The following R3HDM2 variants were observed in gnomAD, a reference collection of about 807,000 sequenced individuals.
R3HDM2 encodes the protein R3H domain-containing protein 2.
R3HDM2 carries 38 observed loss-of-function variants against 124.5 expected under a neutral mutation model. The observed-to-expected ratio is 0.31, with a 90% CI of 0.24 to 0.40. The LOEUF is 0.40. Among genes scored for constraint, R3HDM2 ranks in the 10% least tolerant of loss-of-function variants. R3HDM2 has a pLI of 1.00. For missense variants in R3HDM2, 869 were observed against 1,236.9 expected, an observed-to-expected ratio of 0.70 and a Z score of 4.46; for synonymous variants, 391 against 448.0, an observed-to-expected ratio of 0.87 and a Z score of 1.61.
At chr12:57,329,567 A>G (rs1476769768) in intron 2 of R3HDM2, among the ~76,000 whole-genome samples, 3 of 152,204 alleles carry the variant, frequency 2.0e-5, no homozygotes, top group Non-Finnish European at 4.4e-5. Flanking sequence ...GGAGAGAAAA[A>G]TAATTGAGAC....
chr12:57,405,532 G>A (rs939936423), intron 1 of R3HDM2, among the ~76,000 whole-genome samples: 1 of 152,078 alleles, frequency 6.6e-6, no homozygotes, highest in African/African-American at 2.4e-5. Flanking sequence ...TACTGGGGAG[G>A]CTGAGGTGGG....
intron 2 of R3HDM2, among the ~76,000 whole-genome samples, chr12:57,314,292 C>T (rs1345736108): frequency 6.6e-6 from 1 of 151,980 alleles, no homozygotes; most frequent in Non-Finnish European, 1.5e-5. Context: ...CCAGCCTGAC[C>T]AACATGGAGA....
At chr12:57,420,064 C>T (rs537429063) in intron 1 of R3HDM2, among the ~76,000 whole-genome samples, 2 of 152,240 alleles carry the variant, frequency 1.3e-5, no homozygotes, top group African/African-American at 4.8e-5. Context: ...TTTCTCCCCA[C>T]CCCTTTCCTG....
chr12:57,331,528 T>C (rs2058191999), intron 2 of R3HDM2, among the ~76,000 whole-genome samples: 1 of 152,166 alleles, frequency 6.6e-6, no homozygotes, highest in Non-Finnish European at 1.5e-5. Flanking sequence ...GCTCGCTGCT[T>C]ATAAACAGGG....
chr12:57,413,846 CCT>C lies in R3HDM2; in HGVS notation c.-106+16872_-106+16873del, dbSNP rs1491451661. On this transcript the variant is annotated intron_variant, in intron 1 of 23. Coordinates refer to ENST00000402412, the MANE Select transcript of R3HDM2 (RefSeq NM_001394031.1). ...AGAGTCTTAGATCTGTAATCCCCCC[CCT>C]TTTTTTTTTTTTTTTTGAGATGGAG... 3.1e-3 allele frequency among the ~76,000 whole-genome samples: 323 copies of C among 103,152 alleles called. 7 individuals are homozygous for C. The East Asian group carries it at 0.069, about 22-fold the overall frequency. The allele number at this position is 103,152 out of a possible 152,430, so 67.7% of individuals were successfully genotyped here.
chr12:57,266,154 G>A (rs1398998826), intron 19 of R3HDM2, among the ~76,000 whole-genome samples: 1 of 147,088 alleles, frequency 6.8e-6, no homozygotes, highest in African/African-American at 2.5e-5. Context: ...TGCCCAGGCT[G>A]GAGTGCAGTG....
At chr12:57,376,515 G>C (rs1386220341) in intron 2 of R3HDM2, among the ~76,000 whole-genome samples, 1 of 152,206 alleles carries the variant, frequency 6.6e-6, no homozygotes, top group East Asian at 1.9e-4. Flanking sequence ...GATTTACTGG[G>C]TGAGGTGGCA....
Position 57,296,447 on chromosome 12 carries a change from T to C in R3HDM2, c.665A>G (p.Lys222Arg). 6.4e-7 allele frequency: 1 copy of C among 1,551,066 alleles called. No homozygotes were observed. The highest frequency in any genetic ancestry group is 1.2e-5 in the South Asian group (1 of 84,004). ...GMDHNVDQTG[K>R]AVIINKTSNT... ...ACTAGTTTTGTTGATGATGACAGCT[T>C]TCCCAGTTTGATCAACATTGTGGTC... The change falls in exon 9 of 24, where the codon AAA becomes AGA. Residue 222 changes from lysine to arginine, a missense_variant. Around this residue, in one of 2 missense-constraint regions of R3HDM2, gnomAD observed 267 missense variants for 447.7 expected, o/e 0.60. Transcript: ENST00000402412. This position sits in a 1 kb window ranked among gnomAD's most constrained non-coding sequence, Gnocchi z 4.5.
chr12:57,318,489 T>C (rs1193063693), intron 2 of R3HDM2, among the ~76,000 whole-genome samples: 1 of 151,070 alleles, frequency 6.6e-6, no homozygotes, highest in African/African-American at 2.4e-5. Flanking sequence ...TCTCTACTAA[T>C]AGTACAGAAA....
chr12:57,315,188 C>T (rs2054760638), intron 2 of R3HDM2, among the ~76,000 whole-genome samples: 1 of 152,142 alleles, frequency 6.6e-6, no homozygotes, highest in African/African-American at 2.4e-5. Context: ...CATGCGCTCG[C>T]TTCCATACCT....
chr12:57,298,558 C>A (rs1046931790), intron 6 of R3HDM2, among the ~76,000 whole-genome samples: 8 of 151,970 alleles, frequency 5.3e-5, no homozygotes, highest in Non-Finnish European at 2.9e-5. Flanking sequence ...ATCCTGTTTG[C>A]CTTTTCTTAT....
At chr12:57,316,464 G>A (rs2055040250) in intron 2 of R3HDM2, among the ~76,000 whole-genome samples, 1 of 152,030 alleles carries the variant, frequency 6.6e-6, no homozygotes, top group Non-Finnish European at 1.5e-5. Context: ...TAAGCCTCTG[G>A]AAGAAACAGG....
At chr12:57,268,554 C>T in intron 17 of R3HDM2, 97 bp from the exon 18 acceptor site, 1 of 1,238,730 alleles carries the variant, frequency 8.1e-7, no homozygotes, top group Non-Finnish European at 1.1e-6. Flanking sequence ...ATTACAACTT[C>T]CTTCCCTACC....
chr12:57,265,419 T>C (rs2042078997), intron 19 of R3HDM2, among the ~76,000 whole-genome samples: 1 of 151,994 alleles, frequency 6.6e-6, no homozygotes. Context: ...AGAAAAGAAA[T>C]GCTGTCTATA....
At chr12:57,373,273 G>A (rs1045706481) in intron 2 of R3HDM2, among the ~76,000 whole-genome samples, 1 of 152,118 alleles carries the variant, frequency 6.6e-6, no homozygotes, top group Non-Finnish European at 1.5e-5. Context: ...GGCCAATGCA[G>A]GTGGATCACG....
chr12:57,310,235 T>G (rs1260482577), intron 3 of R3HDM2, 29 bp downstream of exon 3: 3 of 1,445,132 alleles, frequency 2.1e-6, no homozygotes, highest in Non-Finnish European at 2.8e-6. Context: ...AAAAAAAAAG[T>G]GTGCATACAA....
At chr12:57,378,966 C>T (rs147821606) in intron 2 of R3HDM2, among the ~76,000 whole-genome samples, 127 of 152,096 alleles carry the variant, frequency 8.3e-4, no homozygotes, top group African/African-American at 2.5e-3. Context: ...AGTCACAAAA[C>T]GACAAATTCT....
intron 14 of R3HDM2, among the ~76,000 whole-genome samples, chr12:57,273,006 C>G (rs978855107): frequency 6.6e-6 from 1 of 152,200 alleles, no homozygotes; most frequent in East Asian, 1.9e-4. Context: ...CACTGCTGCA[C>G]TGCTTCTGCA....
intron 1 of R3HDM2, among the ~76,000 whole-genome samples, chr12:57,418,562 TTC>T (rs2069876892): frequency 6.6e-6 from 1 of 151,850 alleles, no homozygotes; most frequent in Non-Finnish European, 1.5e-5. Context: ...CTTTGATATC[TTC>T]TTTTTTTTTT....
Sources: allele counts gnomAD v4.1 joint callset (sites outside exome capture counted in the v4.1 genomes callset), GRCh38; gene constraint gnomAD v4.1.1; regional missense constraint gnomAD v4.1.1; non-coding constraint Gnocchi (gnomAD v3.1); transcripts MANE v1.5; gene names NCBI Gene and HGNC (gene_info 2026-07-23, HGNC 2026-07-21).